Variants in FBXL17 observed in about 807,000 individuals in gnomAD.
FBXL17 encodes F-box and leucine rich repeat protein 17.
A neutral mutation model predicts 66.2 loss-of-function variants in FBXL17; 22 were observed. The observed-to-expected ratio is 0.33, with a 90% confidence interval of 0.24 to 0.47. FBXL17 has a LOEUF of 0.47. Among genes scored for constraint, FBXL17 ranks in the 20% least tolerant of loss-of-function variants. FBXL17 has a pLI of 1.00. For missense variants in FBXL17, 878 were observed against 948.2 expected (o/e 0.93, Z 0.97); for synonymous variants, 474 against 400.5 (o/e 1.18, Z -2.19).
At chr5:107,910,325 C>T (rs1389614690) in intron 7 of FBXL17, among the ~76,000 whole-genome samples, 3 of 152,056 alleles carry the variant, frequency 2.0e-5, no homozygotes, top group Non-Finnish European at 4.4e-5. Context: ...AATACATCTA[C>T]TAGGACTTCT....
chr5:107,906,509 G>A (rs1204935935), intron 7 of FBXL17, among the ~76,000 whole-genome samples: 2 of 152,124 alleles, frequency 1.3e-5, no homozygotes, highest in Non-Finnish European at 2.9e-5. Context: ...TGATGTAGGT[G>A]CTATTTGTAT....
chr5:107,911,727 A>G (rs1749952452), intron 7 of FBXL17, among the ~76,000 whole-genome samples: 1 of 152,176 alleles, frequency 6.6e-6, no homozygotes, highest in African/African-American at 2.4e-5. Flanking sequence ...AAATTCTTCT[A>G]AAAGCCAAAT....
At chr5:108,084,190 C>A (rs1044995810) in intron 6 of FBXL17, among the ~76,000 whole-genome samples, 3 of 152,140 alleles carry the variant, frequency 2.0e-5, no homozygotes, top group African/African-American at 7.2e-5. Flanking sequence ...GCTACATATA[C>A]GTGCCGCAAG....
rs1753426093 is a variant in FBXL17, at chr5:108,190,444, T to C, written c.1615-4197A>G. Among the ~76,000 whole-genome samples the C allele has an allele frequency of 2.6e-5, 4 of 152,276 alleles. No homozygotes were observed. In the South Asian group the frequency reaches 8.3e-4, roughly 32 times the overall value. On this transcript the variant is annotated intron_variant, in intron 5 of 8. Coordinates refer to ENST00000542267, the MANE Select transcript of FBXL17 (RefSeq NM_001163315.3). Reference sequence around the variant, plus strand: ...GAAAGTGGGGAGGTCTTCCTAAATTTCTTAAACCAACCCTTACTCATGGGA... The same window carrying C: ...GAAAGTGGGGAGGTCTTCCTAAATTCCTTAAACCAACCCTTACTCATGGGA...
intron 6 of FBXL17, among the ~76,000 whole-genome samples, chr5:108,096,493 G>C (rs996058297): frequency 2.0e-5 from 3 of 152,186 alleles, no homozygotes; most frequent in African/African-American, 7.2e-5. Flanking sequence ...CCTGGAGTAA[G>C]AGAACATGAT....
intron 4 of FBXL17, among the ~76,000 whole-genome samples, chr5:108,303,166 T>G (rs576420190): frequency 6.6e-6 from 1 of 151,992 alleles, no homozygotes; most frequent in East Asian, 1.9e-4. Context: ...ATATAGTGCC[T>G]CTACTAACTC....
intron 6 of FBXL17, among the ~76,000 whole-genome samples, chr5:108,049,149 A>T (rs1486685437): frequency 6.6e-6 from 1 of 151,642 alleles, no homozygotes; most frequent in Admixed American, 6.6e-5. Context: ...AATATTCAAC[A>T]TTCTTTTTTT....
intron 7 of FBXL17, among the ~76,000 whole-genome samples, chr5:107,903,946 T>C (rs1269082693): frequency 6.6e-6 from 1 of 152,208 alleles, no homozygotes; most frequent in Non-Finnish European, 1.5e-5. Context: ...GTATTGATTA[T>C]ACGATCCAAG....
Position 108,381,894 on chromosome 5 carries a change from C to T in FBXL17, c.-203G>A, listed in dbSNP as rs1393355725. On this transcript the variant is annotated 5_prime_UTR_variant, in exon 1 of 9. It removes an upstream start codon present in the reference 5' UTR. Coordinates refer to ENST00000542267, the MANE Select transcript of FBXL17 (RefSeq NM_001163315.3). ...CCGCCGGAGTGCCCGACGGGGGCTA[C>T]ATGCTTTGCCCAGGGAAGCCGGGAG... The T allele has an allele frequency of 2.3e-6, 3 of 1,287,442 alleles. No individual in the cohort carries two copies. Among genetic ancestry groups the T allele is most frequent in the African/African-American group, 1.5e-5 (1 of 64,654 alleles). The allele number at this position is 1,287,442 out of a possible 1,614,324, so 79.8% of individuals were successfully genotyped here. A position where few individuals can be genotyped will look rare whatever the true frequency, so the allele number is the denominator to read the frequency against.
At chr5:108,321,740 C>T (rs1009563512) in intron 4 of FBXL17, among the ~76,000 whole-genome samples, 4 of 150,908 alleles carry the variant, frequency 2.7e-5, no homozygotes, top group African/African-American at 9.7e-5. Context: ...AAAACTTCTG[C>T]ATGTCAAAAA....
chr5:108,085,828 T>C (rs1748948221), intron 6 of FBXL17, among the ~76,000 whole-genome samples: 1 of 152,118 alleles, frequency 6.6e-6, no homozygotes, highest in Non-Finnish European at 1.5e-5. Flanking sequence ...TCCCAGCTAC[T>C]TGGGAGGATC....
intron 7 of FBXL17, among the ~76,000 whole-genome samples, chr5:107,882,354 T>C (rs1445752423): frequency 3.8e-5 from 5 of 130,640 alleles, no homozygotes; most frequent in African/African-American, 1.5e-4. Context: ...ATTACCTCAG[T>C]ATTTTTTTTT....
intron 8 of FBXL17, chr5:107,880,064 ATAGGTT>A (rs760978589): frequency 1.0e-4 from 32 of 317,246 alleles, no homozygotes; most frequent in Non-Finnish European, 1.5e-4. Flanking sequence ...GGTGTCCAGT[ATAGGTT>A]TTTTTTGTTT....
At chr5:108,020,498 T>C (rs577394962) in intron 7 of FBXL17, among the ~76,000 whole-genome samples, 3 of 152,080 alleles carry the variant, frequency 2.0e-5, no homozygotes, top group African/African-American at 4.8e-5. Flanking sequence ...GAATTTAAAG[T>C]GTTAAGAAGT....
intron 6 of FBXL17, among the ~76,000 whole-genome samples, chr5:108,024,706 T>C (rs114988021): frequency 6.6e-6 from 1 of 152,310 alleles, no homozygotes; most frequent in African/African-American, 2.4e-5. Context: ...TGCTCCAAAG[T>C]ATCCTAAGCA....
chr5:108,344,748 C>A (rs1055807937), intron 4 of FBXL17, among the ~76,000 whole-genome samples: 1 of 152,190 alleles, frequency 6.6e-6, no homozygotes, highest in African/African-American at 2.4e-5. Context: ...TAAAGAAGCA[C>A]AGGAAATATA....
At chr5:108,288,396 C>T (rs1757984526) in intron 4 of FBXL17, among the ~76,000 whole-genome samples, 2 of 151,218 alleles carry the variant, frequency 1.3e-5, no homozygotes, top group African/African-American at 4.9e-5. Flanking sequence ...ACAGACTGGC[C>T]CGATGTAAGG....
At chr5:108,130,252 T>C (rs1750879083) in intron 6 of FBXL17, among the ~76,000 whole-genome samples, 1 of 151,530 alleles carries the variant, frequency 6.6e-6, no homozygotes, top group Non-Finnish European at 1.5e-5. Context: ...AAAAAAAAAA[T>C]ATCCCTTTCA....
At chr5:107,976,090 CT>C (rs1752574667) in intron 7 of FBXL17, among the ~76,000 whole-genome samples, 1 of 152,086 alleles carries the variant, frequency 6.6e-6, no homozygotes, top group African/African-American at 2.4e-5. Flanking sequence ...ATCTCCTGAC[CT>C]CATAATCTGC....
Sources: allele counts gnomAD v4.1 joint callset (sites outside exome capture counted in the v4.1 genomes callset), GRCh38; gene constraint gnomAD v4.1.1; transcripts MANE v1.5; gene names NCBI Gene and HGNC (gene_info 2026-07-23, HGNC 2026-07-21).